ADGRG7: variants seen among roughly 807,000 people sequenced by gnomAD.
ADGRG7 encodes the protein adhesion G protein-coupled receptor G7.
Under a neutral mutation model 88.6 loss-of-function variants are expected in ADGRG7, and 82 were observed. The ratio of observed to expected loss-of-function variants is 0.93; its 90% CI spans 0.77 to 1.11. The LOEUF is 1.11. ADGRG7 is among the 50% of genes most tolerant of loss of function. ADGRG7 has a pLI of 0.00. For missense variants in ADGRG7, 945 were observed against 953.4 expected, an observed-to-expected ratio of 0.99 and a Z score of 0.12; for synonymous variants, 381 against 345.2, an observed-to-expected ratio of 1.10 and a Z score of -1.15.
chr3:100,625,211 T>C (rs185034768), intron 1 of ADGRG7, among the ~76,000 whole-genome samples: 2 of 152,320 alleles, frequency 1.3e-5, no homozygotes, highest in Admixed American at 1.3e-4. Flanking sequence ...TCTTATTTCC[T>C]TGAGCAGTGG....
chr3:100,646,947 C>T (rs1707761279), intron 10 of ADGRG7, among the ~76,000 whole-genome samples: 1 of 152,178 alleles, frequency 6.6e-6, no homozygotes, highest in South Asian at 2.1e-4. Flanking sequence ...ATCACGAGGT[C>T]AGGAGTTCGA....
intron 15 of ADGRG7, among the ~76,000 whole-genome samples, chr3:100,670,308 A>T (rs2094956829): frequency 6.6e-6 from 1 of 152,188 alleles, no homozygotes; most frequent in Non-Finnish European, 1.5e-5. Flanking sequence ...AATGACCTCC[A>T]GTTCCATCCA....
intron 6 of ADGRG7, among the ~76,000 whole-genome samples, chr3:100,638,715 G>GA (rs933205830): frequency 2.0e-5 from 3 of 150,698 alleles, no homozygotes; most frequent in African/African-American, 4.9e-5. Flanking sequence ...ACACTACATT[G>GA]AAAAAAAAGA....
intron 13 of ADGRG7, among the ~76,000 whole-genome samples, chr3:100,657,554 G>A (rs1358628412): frequency 6.6e-6 from 1 of 152,162 alleles, no homozygotes; most frequent in Non-Finnish European, 1.5e-5. Flanking sequence ...AAGGGTTGAG[G>A]TTAACATGGG....
At position 100,635,664 on chromosome 3, in the gene ADGRG7, G is replaced by T. The variant is rs141569776; in HGVS notation, c.448-13G>T. 2.9e-4 allele frequency: 472 copies of T among 1,602,626 alleles called. No individual in the cohort carries two copies. Among genetic ancestry groups the T allele is most frequent in the Non-Finnish European group, 3.7e-4 (433 of 1,176,438 alleles). ...GTGTAAAGCTAGGGTTTTTTTTCTG[G>T]TTTTTAAAACAGGTAAAGGATGTCA... On this transcript the variant is annotated splice_polypyrimidine_tract_variant and intron_variant, in intron 4 of 15. Coordinates refer to ENST00000273352, the MANE Select transcript of ADGRG7 (RefSeq NM_032787.3).
At chr3:100,634,223 G>A (rs1480923372) in intron 4 of ADGRG7, among the ~76,000 whole-genome samples, 2 of 152,196 alleles carry the variant, frequency 1.3e-5, no homozygotes, top group Non-Finnish European at 1.5e-5. Context: ...GGGGGAGGAA[G>A]AGGAAACCAA....
chr3:100,623,542 A>T (rs1302402419), intron 1 of ADGRG7, among the ~76,000 whole-genome samples: 2 of 152,082 alleles, frequency 1.3e-5, no homozygotes, highest in Non-Finnish European at 2.9e-5. Context: ...TTTAAAAAAA[A>T]TTTTATTTTA....
rs146785423 is a variant in ADGRG7 at position 100,662,629 on chromosome 3, C to T, written c.1979+2786C>T. 3.4e-3 allele frequency among the ~76,000 whole-genome samples: 518 copies of T among 152,132 alleles called. 5 individuals are homozygous for T. Among genetic ancestry groups the T allele is most frequent in the Non-Finnish European group, 5.0e-3 (339 of 67,946 alleles). On this transcript the variant is annotated intron_variant, in intron 14 of 15. Coordinates refer to ENST00000273352, the MANE Select transcript of ADGRG7 (RefSeq NM_032787.3). ...TACTGTGATTACCAGTTGATTTTAT[C>T]TTGACATTAGATGCTATGCAGAACT...
At chr3:100,644,719 C>T (rs992176976) in intron 8 of ADGRG7, among the ~76,000 whole-genome samples, 2 of 151,748 alleles carry the variant, frequency 1.3e-5, no homozygotes, top group African/African-American at 4.8e-5. Context: ...TTTGTAGAGA[C>T]AGAATCTCGC....
At chr3:100,664,184 A>G (rs2094948971) in intron 14 of ADGRG7, among the ~76,000 whole-genome samples, 1 of 152,138 alleles carries the variant, frequency 6.6e-6, no homozygotes, top group African/African-American at 2.4e-5. Context: ...AATTTCACCA[A>G]ATCTGGAATA....
chr3:100,659,967 C>T (rs2094943089), intron 14 of ADGRG7, 124 bp downstream of exon 14: 30 of 873,348 alleles, frequency 3.4e-5, no homozygotes, highest in East Asian at 2.6e-4. Context: ...ACGTGGTTTA[C>T]AGGAGAGATT....
At chr3:100,632,195 C>T (rs1414965206) in intron 3 of ADGRG7, among the ~76,000 whole-genome samples, 1 of 152,090 alleles carries the variant, frequency 6.6e-6, no homozygotes, top group African/African-American at 2.4e-5. Context: ...AGAGTCATCA[C>T]ACTTGTTTAA....
intron 6 of ADGRG7, among the ~76,000 whole-genome samples, chr3:100,642,410 A>G (rs978422643): frequency 1.5e-4 from 23 of 152,220 alleles, no homozygotes; most frequent in Non-Finnish European, 2.5e-4. Flanking sequence ...GCAATCCTCA[A>G]TTATTGTAAA....
intron 1 of ADGRG7, among the ~76,000 whole-genome samples, chr3:100,624,416 C>G (rs1263531635): frequency 6.6e-6 from 1 of 151,830 alleles, no homozygotes; most frequent in Non-Finnish European, 1.5e-5. Flanking sequence ...AATTTAAGTT[C>G]CTTGTAGATT....
At chr3:100,693,234 G>T (rs1350529735) in intron 15 of ADGRG7, among the ~76,000 whole-genome samples, 3 of 152,022 alleles carry the variant, frequency 2.0e-5, no homozygotes, top group Admixed American at 6.6e-5. Flanking sequence ...GTTTACTTTA[G>T]AATTTAAATT....
rs765722811 is a variant in ADGRG7 at position 100,694,949 on chromosome 3, G to A, written c.2342G>A (p.Ser781Asn). 1.2e-6 allele frequency: 2 copies of A among 1,614,166 alleles called. No individual in the cohort carries two copies. The highest frequency in any genetic ancestry group is 1.7e-6 in the Non-Finnish European group (2 of 1,180,022). ...ERFRLLETSP[S>N]TEEITLSESD... ...TTTAGGCTACTGGAAACCTCTCCGA[G>A]TACTGAGGAAATCACACTCTCTGAA... is the stretch of plus-strand genomic sequence containing the variant. Residue 781 changes from serine (S) to asparagine (N), a missense_variant, in exon 16 of 16, where the codon AGT (serine) becomes AAT (asparagine). Transcript: ENST00000273352.
intron 1 of ADGRG7, among the ~76,000 whole-genome samples, chr3:100,627,245 G>C (rs1297789968): frequency 6.6e-6 from 1 of 152,122 alleles, no homozygotes; most frequent in Non-Finnish European, 1.5e-5. Context: ...AAGATGTTCT[G>C]TTTTATTTCT....
At position 100,695,180 on chromosome 3, in the gene ADGRG7, ATT is replaced by A. The variant is rs1394386335; in HGVS notation, c.*183_*184del. ...GCATAATGGACTTGGTAGTTTTTCT[ATT>A]TTTCAATAGATTTGTACTTGAATAA... On this transcript the variant is annotated 3_prime_UTR_variant, in exon 16 of 16. Transcript: ENST00000273352. 1 of 621,104 alleles carries A rather than the reference ATT, an allele frequency of 1.6e-6. No individual in the cohort carries two copies. The highest frequency in any genetic ancestry group is 1.8e-5 in the African/African-American group (1 of 54,248). The allele number at this position is 621,104 out of a possible 1,614,324, so 38.5% of individuals were successfully genotyped here. A position where few individuals can be genotyped will look rare whatever the true frequency, so the allele number is the denominator to read the frequency against.
chr3:100,674,794 G>T (rs1283661268), intron 15 of ADGRG7, among the ~76,000 whole-genome samples: 1 of 152,068 alleles, frequency 6.6e-6, no homozygotes, highest in African/African-American at 2.4e-5. Context: ...AACCAGGATG[G>T]TATCGATCTC....
Sources: gnomAD v4.1 joint callset for allele counts (sites outside exome capture counted in the v4.1 genomes callset) on GRCh38, gnomAD v4.1.1 for gene constraint, MANE v1.5 for transcripts, NCBI Gene and HGNC (gene_info 2026-07-23, HGNC 2026-07-21) for gene names.